PTPRD: variants seen among roughly 807,000 people sequenced by gnomAD.
PTPRD encodes the protein receptor-type tyrosine-protein phosphatase delta.
PTPRD carries 34 observed loss-of-function variants against 214.5 expected under a neutral mutation model. The observed-to-expected ratio is 0.16, with a 90% CI of 0.12 to 0.21. The LOEUF (loss-of-function observed/expected upper bound fraction) is 0.21. PTPRD is among the 10% of genes least tolerant of loss of function. The probability of loss-of-function intolerance (pLI) is 1.00; values close to 1 mark genes in which losing one functional copy is unlikely to be tolerated. For synonymous variants in PTPRD, 1,128 were observed against 845.7 expected (o/e 1.33, Z -5.79); for missense variants, 2,545 against 2,398.7 (o/e 1.06, Z -1.27).
At chr9:10,283,064 T>C (rs2095205777) in intron 3 of PTPRD, among the ~76,000 whole-genome samples, 1 of 152,076 alleles carries the variant, frequency 6.6e-6, no homozygotes, top group Admixed American at 6.6e-5. Context: ...TCTATTATTC[T>C]CCAGCTTGAA....
At chr9:10,543,709 TG>T (rs1362180451) in intron 2 of PTPRD, among the ~76,000 whole-genome samples, 3 of 152,242 alleles carry the variant, frequency 2.0e-5, no homozygotes, top group South Asian at 2.1e-4. Context: ...CAACATAACT[TG>T]CCAAGGGATA....
chr9:10,540,091 C>T (rs1230711040), intron 2 of PTPRD, among the ~76,000 whole-genome samples: 1 of 152,046 alleles, frequency 6.6e-6, no homozygotes, highest in African/African-American at 2.4e-5. Flanking sequence ...AGTGCAGTGG[C>T]ATGGTCTTGG....
At chr9:10,281,606 T>C (rs2095116280) in intron 3 of PTPRD, among the ~76,000 whole-genome samples, 1 of 152,224 alleles carries the variant, frequency 6.6e-6, no homozygotes, top group Non-Finnish European at 1.5e-5. Flanking sequence ...CAATTGAATT[T>C]TAGACTCCAT....
intron 5 of PTPRD, among the ~76,000 whole-genome samples, chr9:9,873,073 T>C (rs1394730032): frequency 1.3e-5 from 2 of 152,092 alleles, no homozygotes; most frequent in Admixed American, 1.3e-4. Context: ...AGATATGAAA[T>C]GTGGAGTGTT....
At chr9:9,291,470 T>G (rs1213567006) in intron 9 of PTPRD, among the ~76,000 whole-genome samples, 2 of 151,490 alleles carry the variant, frequency 1.3e-5, no homozygotes, top group African/African-American at 4.8e-5. Flanking sequence ...CCTTTAGCTC[T>G]GAAAATTTAT....
At chr9:10,529,615 G>C (rs182285653) in intron 2 of PTPRD, among the ~76,000 whole-genome samples, 1 of 151,882 alleles carries the variant, frequency 6.6e-6, no homozygotes, top group Non-Finnish European at 1.5e-5. Context: ...AATACCTAAT[G>C]TAGATGATGG....
chr9:10,190,386 GAAAAAAAAAAAAA>G (rs66511711), intron 3 of PTPRD, among the ~76,000 whole-genome samples: 125 of 50,136 alleles, frequency 2.5e-3, no homozygotes, highest in Middle Eastern at 0.022. Flanking sequence ...TCTATCTCCA[GAAAAAAAAAAAAA>G]AAAAAAAAAA....
intron 14 of PTPRD, among the ~76,000 whole-genome samples, chr9:8,618,444 A>C (rs1484961182): frequency 1.3e-5 from 2 of 152,092 alleles, no homozygotes; most frequent in African/African-American, 4.8e-5. Flanking sequence ...CATATTGTGT[A>C]TAAAGCCATG....
At chr9:9,577,342 T>C (rs775523297) in intron 7 of PTPRD, among the ~76,000 whole-genome samples, 1 of 152,076 alleles carries the variant, frequency 6.6e-6, no homozygotes, top group Non-Finnish European at 1.5e-5. Flanking sequence ...GGCAAGCAGA[T>C]TGCTTGAGCC....
At chr9:9,827,704 A>G (rs2053422999) in intron 5 of PTPRD, among the ~76,000 whole-genome samples, 2 of 152,192 alleles carry the variant, frequency 1.3e-5, no homozygotes. Context: ...AGAAACTATC[A>G]TCAGAATGAA....
chr9:9,269,241 A>G (rs1205152729), intron 9 of PTPRD, among the ~76,000 whole-genome samples: 1 of 151,414 alleles, frequency 6.6e-6, no homozygotes, highest in African/African-American at 2.4e-5. Flanking sequence ...AATGGTTAAT[A>G]GGCATATGAG....
At chr9:8,894,232 G>A (rs2098578847) in intron 11 of PTPRD, among the ~76,000 whole-genome samples, 1 of 151,636 alleles carries the variant, frequency 6.6e-6, no homozygotes, top group Non-Finnish European at 1.5e-5. Flanking sequence ...ATGCGTGCCT[G>A]TAATCCCAGC....
At chr9:9,842,032 TG>T (rs1050031328) in intron 5 of PTPRD, among the ~76,000 whole-genome samples, 4 of 152,026 alleles carry the variant, frequency 2.6e-5, no homozygotes, top group African/African-American at 7.2e-5. Context: ...TGTTTAATAT[TG>T]GGAAAAATTG....
At chr9:8,616,070 AG>A (rs1265034460) in intron 14 of PTPRD, among the ~76,000 whole-genome samples, 5 of 152,178 alleles carry the variant, frequency 3.3e-5, no homozygotes, top group Non-Finnish European at 7.4e-5. Flanking sequence ...TTTATAAAGG[AG>A]AGTTAGCTAA....
intron 3 of PTPRD, among the ~76,000 whole-genome samples, chr9:10,156,931 G>C (rs774599175): frequency 5.9e-5 from 9 of 151,998 alleles, no homozygotes; most frequent in Admixed American, 5.9e-4. Flanking sequence ...AGTCTGTTTT[G>C]TCTGAAACTA....
At chr9:9,561,446 C>T (rs1418673015) in intron 8 of PTPRD, among the ~76,000 whole-genome samples, 1 of 152,184 alleles carries the variant, frequency 6.6e-6, no homozygotes, top group African/African-American at 2.4e-5. Context: ...AGAATAAATC[C>T]ATTCAAATAT....
intron 12 of PTPRD, among the ~76,000 whole-genome samples, chr9:8,643,469 A>T (rs920504668): frequency 5.9e-5 from 9 of 152,200 alleles, no homozygotes; most frequent in Middle Eastern, 3.2e-3. Context: ...TCTAATTGTG[A>T]ACCCCTCATG....
At chr9:8,620,020 C>G (rs1411539821) in intron 14 of PTPRD, among the ~76,000 whole-genome samples, 2 of 151,944 alleles carry the variant, frequency 1.3e-5, no homozygotes, top group African/African-American at 4.8e-5. Context: ...GCACACAGAC[C>G]CCCTTTAGTA....
At chr9:9,769,408 C>T (rs1039652755) in intron 5 of PTPRD, among the ~76,000 whole-genome samples, 3 of 134,538 alleles carry the variant, frequency 2.2e-5, no homozygotes, top group Non-Finnish European at 3.1e-5. Flanking sequence ...TCACTGCAAG[C>T]TCCGCCTCCC....
Sources: allele counts gnomAD v4.1 joint callset (sites outside exome capture counted in the v4.1 genomes callset), GRCh38; gene constraint gnomAD v4.1.1; transcripts MANE v1.5; gene names NCBI Gene and HGNC (gene_info 2026-07-23, HGNC 2026-07-21).